The following CCDC149 variants were observed in gnomAD, a reference collection of about 807,000 sequenced individuals.
CCDC149 encodes the protein coiled-coil domain containing 149.
Under a neutral mutation model 59.9 loss-of-function variants are expected in CCDC149, and 45 were observed. The observed-to-expected ratio is 0.75, with a 90% confidence interval of 0.59 to 0.96. The LOEUF is 0.96. CCDC149 is among the 40% of genes least tolerant of loss of function. CCDC149 has a pLI of 0.00. For missense variants in CCDC149, 584 were observed against 664.7 expected (o/e 0.88, Z 1.33); for synonymous variants, 245 against 260.6 (o/e 0.94, Z 0.58).
At chr4:24,872,135 C>T (rs1429171982) in intron 3 of CCDC149, among the ~76,000 whole-genome samples, 2 of 152,178 alleles carry the variant, frequency 1.3e-5, no homozygotes, top group Admixed American at 6.5e-5. Flanking sequence ...GGTAGAGCCA[C>T]AGGACTTTTC....
chr4:24,952,745 C>T (rs955129938), intron 1 of CCDC149, among the ~76,000 whole-genome samples: 1 of 148,676 alleles, frequency 6.7e-6, no homozygotes, highest in Non-Finnish European at 1.5e-5. Context: ...AGTACATTCA[C>T]GTTGTGCAAC....
chr4:24,839,417 G>A (rs1234448385), intron 4 of CCDC149, among the ~76,000 whole-genome samples: 1 of 151,918 alleles, frequency 6.6e-6, no homozygotes, highest in African/African-American at 2.4e-5. Flanking sequence ...CTGACCTTGT[G>A]ATCCGCCTGC....
intron 3 of CCDC149, among the ~76,000 whole-genome samples, chr4:24,865,262 GACCCTTAAATCCAT>G (rs1718628914): frequency 6.6e-6 from 1 of 152,302 alleles, no homozygotes; most frequent in South Asian, 2.1e-4. Flanking sequence ...GATACTCTGA[GACCCTTAAATCCAT>G]ACCTTCAATA....
At chr4:24,952,365 G>A (rs1229317633) in intron 1 of CCDC149, among the ~76,000 whole-genome samples, 5 of 151,804 alleles carry the variant, frequency 3.3e-5, no homozygotes, top group Admixed American at 6.6e-5. Flanking sequence ...GCCAAGGCAG[G>A]AGGATCACTT....
intron 1 of CCDC149, among the ~76,000 whole-genome samples, chr4:24,949,673 G>A (rs1723224506): frequency 6.6e-6 from 1 of 152,108 alleles, no homozygotes; most frequent in African/African-American, 2.4e-5. Context: ...AGAAAGAAAG[G>A]GCCCTGAGAT....
At chr4:24,951,550 G>A (rs183019081) in intron 1 of CCDC149, among the ~76,000 whole-genome samples, 1 of 152,170 alleles carries the variant, frequency 6.6e-6, no homozygotes, top group East Asian at 1.9e-4. Context: ...AGCTTTTCAT[G>A]GTAACTTACT....
At chr4:24,833,978 A>G (rs543935590) in intron 8 of CCDC149, among the ~76,000 whole-genome samples, 4 of 152,224 alleles carry the variant, frequency 2.6e-5, no homozygotes, top group Non-Finnish European at 5.9e-5. Flanking sequence ...CACATCAGTG[A>G]TAACACTGGG....
chr4:24,881,822 A>G (rs550222621), intron 1 of CCDC149, among the ~76,000 whole-genome samples: 10 of 152,318 alleles, frequency 6.6e-5, no homozygotes, highest in South Asian at 6.2e-4. Flanking sequence ...GGACAATGCA[A>G]TGAAGTTACT....
intron 1 of CCDC149, among the ~76,000 whole-genome samples, chr4:24,904,954 T>C (rs1721384719): frequency 6.6e-6 from 1 of 152,180 alleles, no homozygotes; most frequent in Non-Finnish European, 1.5e-5. Flanking sequence ...CAGGCTGGAG[T>C]GCACTGGTGC....
intron 9 of CCDC149, chr4:24,827,818 G>A (rs1342754137): frequency 6.6e-6 from 1 of 152,248 alleles, no homozygotes; most frequent in Admixed American, 6.5e-5. Flanking sequence ...AGCATACGCT[G>A]CCAGGAAGGA....
chr4:24,944,372 G>A (rs1293953000), intron 1 of CCDC149, among the ~76,000 whole-genome samples: 2 of 151,866 alleles, frequency 1.3e-5, no homozygotes, highest in East Asian at 3.9e-4. Flanking sequence ...ACACAGGAAG[G>A]GGAACATCAC....
intron 8 of CCDC149, 69 bp downstream of exon 8, chr4:24,834,879 T>C (rs1011357119): frequency 3.4e-5 from 39 of 1,161,978 alleles, no homozygotes; most frequent in Middle Eastern, 2.8e-4. Context: ...GCAGCCTGGA[T>C]GGGATGTGGG....
At chr4:24,814,780 C>G (rs1714904529) in intron 12 of CCDC149, among the ~76,000 whole-genome samples, 1 of 152,278 alleles carries the variant, frequency 6.6e-6, no homozygotes, top group South Asian at 2.1e-4. Context: ...TTCCACGACT[C>G]AACATCCATC....
chr4:24,871,707 C>A (rs1402519631), intron 3 of CCDC149, among the ~76,000 whole-genome samples: 1 of 152,218 alleles, frequency 6.6e-6, no homozygotes, highest in African/African-American at 2.4e-5. Context: ...CAAGCTCCCA[C>A]CACCACACTC....
intron 1 of CCDC149, among the ~76,000 whole-genome samples, chr4:24,969,873 G>A (rs1723909185): frequency 6.6e-6 from 1 of 152,236 alleles, no homozygotes; most frequent in Non-Finnish European, 1.5e-5. Flanking sequence ...CCTACAGTGT[G>A]ACTTGCATTT....
At chr4:24,911,390 G>C (rs1193822114) in intron 1 of CCDC149, among the ~76,000 whole-genome samples, 1 of 152,130 alleles carries the variant, frequency 6.6e-6, no homozygotes, top group Non-Finnish European at 1.5e-5. Context: ...ATTCACCACT[G>C]AATCCCAAGC....
At chr4:24,909,680 T>C (rs546499407) in intron 1 of CCDC149, among the ~76,000 whole-genome samples, 17 of 152,334 alleles carry the variant, frequency 1.1e-4, no homozygotes, top group African/African-American at 4.1e-4. Flanking sequence ...AATTGAATCA[T>C]GGGGCTAGTT....
At chr4:24,970,795 C>G (rs889861053) in intron 1 of CCDC149, among the ~76,000 whole-genome samples, 8 of 152,082 alleles carry the variant, frequency 5.3e-5, no homozygotes, top group Admixed American at 3.3e-4. Context: ...TCCCACATAC[C>G]TGGGAGGCAC....
chr4:24,926,530 C>T (rs1217981993), intron 1 of CCDC149, among the ~76,000 whole-genome samples: 1 of 152,310 alleles, frequency 6.6e-6, no homozygotes, highest in South Asian at 2.1e-4. Context: ...AGTGCTAATA[C>T]TACATGTTTC....
Sources: gnomAD v4.1 joint callset for allele counts (sites outside exome capture counted in the v4.1 genomes callset) on GRCh38, gnomAD v4.1.1 for gene constraint, MANE v1.5 for transcripts, NCBI Gene and HGNC (gene_info 2026-07-23, HGNC 2026-07-21) for gene names.